Variants in OR6N1 observed in about 807,000 individuals in gnomAD.
OR6N1 encodes the protein olfactory receptor family 6 subfamily N member 1.
For synonymous variants in OR6N1, 170 were observed against 150.7 expected (o/e 1.13, Z -0.94); for missense variants, 394 against 371.7 (o/e 1.06, Z -0.49).
chr1:158,823,080 G>A, the OR6N1 span, among the ~76,000 whole-genome samples: 3 of 152,126 alleles, frequency 2.0e-5, no homozygotes, highest in East Asian at 1.9e-4. Flanking sequence ...TGGTGGACTA[G>A]TGTTTTGATT....
chr1:158,773,005 C>T (rs564876069), upstream of OR6N1, among the ~76,000 whole-genome samples: 3 of 152,036 alleles, frequency 2.0e-5, no homozygotes, highest in Non-Finnish European at 4.4e-5. Context: ...TTACTTTCCT[C>T]AGATAAAATT....
chr1:158,805,470 C>T, the OR6N1 span, among the ~76,000 whole-genome samples: 2 of 152,130 alleles, frequency 1.3e-5, no homozygotes, highest in African/African-American at 4.8e-5. Flanking sequence ...AACAGAAAGG[C>T]CACTTACTGC....
chr1:158,826,502 T>C, the OR6N1 span, among the ~76,000 whole-genome samples: 1 of 152,134 alleles, frequency 6.6e-6, no homozygotes, highest in African/African-American at 2.4e-5. Context: ...TGTCAGGAAA[T>C]TGATGACACA....
chr1:158,801,246 G>A, the OR6N1 span, among the ~76,000 whole-genome samples: 4 of 151,894 alleles, frequency 2.6e-5, no homozygotes, highest in Admixed American at 1.3e-4. Context: ...TGGCGGTGGG[G>A]AGAGAGAGAG....
intron 1 of OR6N1, among the ~76,000 whole-genome samples, chr1:158,767,494 G>T (rs1034726156): frequency 1.3e-5 from 2 of 152,150 alleles, no homozygotes; most frequent in African/African-American, 2.4e-5. Flanking sequence ...ATGCTCTACT[G>T]TGTTGAGGTC....
At chr1:158,824,327 G>C in the OR6N1 span, among the ~76,000 whole-genome samples, 19 of 152,106 alleles carry the variant, frequency 1.2e-4, no homozygotes, top group Non-Finnish European at 2.6e-4. Flanking sequence ...CCGTGATTGT[G>C]AGGCCTCCCC....
chr1:158,822,627 C>T, the OR6N1 span, among the ~76,000 whole-genome samples: 54 of 152,288 alleles, frequency 3.5e-4, no homozygotes, highest in African/African-American at 1.1e-3. Flanking sequence ...GTGTGGTTCT[C>T]TACGTATACA....
chr1:158,804,911 T>C, the OR6N1 span, among the ~76,000 whole-genome samples: 6 of 152,134 alleles, frequency 3.9e-5, no homozygotes, highest in Non-Finnish European at 7.4e-5. Flanking sequence ...AGATATTTAT[T>C]ATATAGAGTG....
At chr1:158,771,762 GA>G (rs1351370657) in intron 1 of OR6N1, among the ~76,000 whole-genome samples, 1 of 152,152 alleles carries the variant, frequency 6.6e-6, no homozygotes, top group East Asian at 1.9e-4. Context: ...CTGGGATCCA[GA>G]AAGGGGAGAA....
chr1:158,836,284 A>T, the OR6N1 span, among the ~76,000 whole-genome samples: 1 of 152,102 alleles, frequency 6.6e-6, no homozygotes, highest in East Asian at 1.9e-4. Context: ...ATTTTGAAAG[A>T]CTTTGAGGAA....
At chr1:158,808,132 T>A in the OR6N1 span, among the ~76,000 whole-genome samples, 1 of 116,764 alleles carries the variant, frequency 8.6e-6, no homozygotes, top group East Asian at 2.3e-4. Flanking sequence ...TTTTTTTTTT[T>A]TTTTTTTTTT....
chr1:158,810,954 T>A, the OR6N1 span, among the ~76,000 whole-genome samples: 1 of 151,996 alleles, frequency 6.6e-6, no homozygotes, highest in Non-Finnish European at 1.5e-5. Context: ...GTCATAGGGG[T>A]TCATTGTACA....
chr1:158,837,216 G>C, the OR6N1 span, among the ~76,000 whole-genome samples: 1 of 151,612 alleles, frequency 6.6e-6, no homozygotes, highest in Admixed American at 6.6e-5. Flanking sequence ...AGATATAATT[G>C]GTCTATAAGT....
chr1:158,784,132 C>G, the OR6N1 span, among the ~76,000 whole-genome samples: 1 of 151,894 alleles, frequency 6.6e-6, no homozygotes, highest in Non-Finnish European at 1.5e-5. Flanking sequence ...AAAGGCTAGT[C>G]TGACTCCTCC....
In OR6N1 at chr1:158,765,948, G is replaced by A; in HGVS notation, c.735C>T (p.Phe245=). 6.2e-7 allele frequency: 1 copy of A among 1,614,176 alleles called. No individual in the cohort carries two copies. Among genetic ancestry groups the A allele is most frequent in the Non-Finnish European group, 8.5e-7 (1 of 1,179,984 alleles). The stretch of plus-strand genomic sequence containing the variant: ...TCCCATAGAAGATGAGAACCACAGT[G>A]AAGTGGGAGGCACACGTGGAGATGG... ...RKAISTCASH[F]TVVLIFYGSI... is the part of the protein sequence containing the mutation. Residue 245 remains phenylalanine, a synonymous_variant, in exon 2 of 2, where the codon TTC becomes TTT. Coordinates refer to ENST00000641846, the MANE Select transcript of OR6N1 (RefSeq NM_001005185.2).
chr1:158,772,741 T>A (rs115798496), upstream of OR6N1, among the ~76,000 whole-genome samples: 698 of 152,350 alleles, frequency 4.6e-3, 1 homozygote, highest in Non-Finnish European at 6.9e-3. Context: ...TGCTTCAGAA[T>A]CTTGGATACA....
the OR6N1 span, among the ~76,000 whole-genome samples, chr1:158,826,159 C>T: frequency 6.6e-6 from 1 of 151,442 alleles, no homozygotes; most frequent in Non-Finnish European, 1.5e-5. Flanking sequence ...AAAAAAAAAA[C>T]CTATTACATA....
the OR6N1 span, chr1:158,809,353 G>A: frequency 1.3e-5 from 2 of 152,482 alleles, no homozygotes; most frequent in Non-Finnish European, 2.9e-5. Flanking sequence ...AGGAACAAGC[G>A]ATAAACATAG....
the OR6N1 span, among the ~76,000 whole-genome samples, chr1:158,813,487 G>A: frequency 1.1e-4 from 17 of 152,050 alleles, no homozygotes; most frequent in Middle Eastern, 3.4e-3. Flanking sequence ...GAGCTCCAGA[G>A]GGCATATAAG....
Sources: gnomAD v4.1 joint callset for allele counts (sites outside exome capture counted in the v4.1 genomes callset) on GRCh38, gnomAD v4.1.1 for gene constraint, MANE v1.5 for transcripts, NCBI Gene and HGNC (gene_info 2026-07-23, HGNC 2026-07-21) for gene names.